The following FNDC3B variants were observed in gnomAD, a reference collection of about 807,000 sequenced individuals.
FNDC3B encodes fibronectin type III domain containing 3B, also known as fibronectin type III domain-containing protein 3B.
Under a neutral mutation model 151.5 loss-of-function variants are expected in FNDC3B, and 12 were observed. That is an observed-to-expected ratio of 0.08 (90% CI 0.05 to 0.13). FNDC3B has a LOEUF of 0.13. Ranked by LOEUF, FNDC3B falls within the 10% of genes least tolerant of loss-of-function variation. The pLI, the probability that FNDC3B is intolerant of heterozygous loss-of-function variation, is 1.00. For missense variants in FNDC3B, 1,214 were observed against 1,505.3 expected, an observed-to-expected ratio of 0.81 and a Z score of 3.20; for synonymous variants, 528 against 549.0, an observed-to-expected ratio of 0.96 and a Z score of 0.54.
chr3:172,216,707 C>T (rs879761616), intron 3 of FNDC3B, among the ~76,000 whole-genome samples: 14 of 152,100 alleles, frequency 9.2e-5, no homozygotes, highest in Non-Finnish European at 1.9e-4. Flanking sequence ...ATAAGGTAAT[C>T]CTGAATGTTG....
At chr3:172,190,790 T>C (rs1280729022) in intron 3 of FNDC3B, among the ~76,000 whole-genome samples, 1 of 152,218 alleles carries the variant, frequency 6.6e-6, no homozygotes, top group Non-Finnish European at 1.5e-5. Flanking sequence ...TGCCTCAGCC[T>C]CCCAAGTAGC....
chr3:172,259,767 C>G (rs2108787749), intron 6 of FNDC3B, among the ~76,000 whole-genome samples: 1 of 152,238 alleles, frequency 6.6e-6, no homozygotes, highest in African/African-American at 2.4e-5. Context: ...TGCCCTTTCC[C>G]CCTCGTATTT....
intron 1 of FNDC3B, among the ~76,000 whole-genome samples, chr3:172,103,329 G>A (rs1001161968): frequency 6.6e-5 from 10 of 151,562 alleles, no homozygotes; most frequent in African/African-American, 2.2e-4. Context: ...GGGGTATGTC[G>A]GGCTGCTATG....
rs1427881112 is a variant in FNDC3B, at chr3:172,128,915, TA to T, written c.112-4551del. On this transcript the variant is annotated intron_variant, in intron 2 of 25. Coordinates refer to ENST00000415807, the MANE Select transcript of FNDC3B (RefSeq NM_022763.4). ...TTGTCTGAGGGTTGGATTTAACGCT[TA>T]AAAATGCTGCAAGTGTACTATTTTG... 2.0e-5 allele frequency among the ~76,000 whole-genome samples: 3 copies of T among 152,188 alleles called. No homozygotes were observed. In the East Asian group the frequency reaches 5.8e-4, roughly 29 times the overall value.
intron 9 of FNDC3B, 144 bp from the exon 10 acceptor site, chr3:172,307,219 G>A: frequency 1.2e-6 from 1 of 816,370 alleles, no homozygotes; most frequent in Non-Finnish European, 2.0e-6. Context: ...GTCAGGACAA[G>A]ACCAACAGAT....
intron 4 of FNDC3B, among the ~76,000 whole-genome samples, chr3:172,235,172 A>C (rs1727085518): frequency 6.6e-6 from 1 of 152,156 alleles, no homozygotes; most frequent in Non-Finnish European, 1.5e-5. Context: ...CTAGCATCAG[A>C]TCTAGTAACT....
intron 4 of FNDC3B, among the ~76,000 whole-genome samples, chr3:172,245,767 C>A (rs1019121033): frequency 3.3e-5 from 5 of 152,150 alleles, no homozygotes; most frequent in African/African-American, 1.2e-4. Context: ...CTTGCCAAGG[C>A]CCAGAAGAGA....
chr3:172,276,982 T>C (rs1729463517), intron 6 of FNDC3B, among the ~76,000 whole-genome samples: 2 of 152,234 alleles, frequency 1.3e-5, no homozygotes, highest in Admixed American at 6.5e-5. Context: ...TGGATTTTAA[T>C]CTCAAATTTA....
chr3:172,049,768 C>T (rs1167809530), intron 1 of FNDC3B, among the ~76,000 whole-genome samples: 1 of 152,208 alleles, frequency 6.6e-6, no homozygotes, highest in Non-Finnish European at 1.5e-5. Flanking sequence ...CTCAGGTGAT[C>T]TGCTCGCCTC....
chr3:172,126,387 T>C (rs1720811127), intron 2 of FNDC3B, among the ~76,000 whole-genome samples: 1 of 152,192 alleles, frequency 6.6e-6, no homozygotes, highest in South Asian at 2.1e-4. Context: ...TCTGTTCATG[T>C]GTACAAGTCA....
At chr3:172,086,927 T>G (rs555967589) in intron 1 of FNDC3B, among the ~76,000 whole-genome samples, 1 of 152,348 alleles carries the variant, frequency 6.6e-6, no homozygotes, top group African/African-American at 2.4e-5. Flanking sequence ...GTCACATACC[T>G]TAGAAATTTT....
At chr3:172,285,070 A>G (rs1729941172) in intron 6 of FNDC3B, among the ~76,000 whole-genome samples, 1 of 151,796 alleles carries the variant, frequency 6.6e-6, no homozygotes, top group South Asian at 2.1e-4. Flanking sequence ...TCTAAAACCT[A>G]ATTATTGCCC....
intron 2 of FNDC3B, among the ~76,000 whole-genome samples, chr3:172,115,661 G>C: frequency 6.6e-6 from 1 of 152,120 alleles, no homozygotes; most frequent in Non-Finnish European, 1.5e-5. Context: ...GACTCTAGGG[G>C]TGGACATTGC....
intron 6 of FNDC3B, among the ~76,000 whole-genome samples, chr3:172,274,746 A>G (rs892477707): frequency 2.0e-5 from 3 of 152,124 alleles, no homozygotes; most frequent in Non-Finnish European, 4.4e-5. Context: ...GGAAGGATCT[A>G]TTCTAGGCCT....
intron 25 of FNDC3B, among the ~76,000 whole-genome samples, chr3:172,382,248 T>G (rs1366720654): frequency 6.6e-6 from 1 of 152,268 alleles, no homozygotes; most frequent in Non-Finnish European, 1.5e-5. Context: ...TTTCATATGT[T>G]TGTTGGCCAC....
At chr3:172,156,694 G>GTTT (rs66890930) in intron 3 of FNDC3B, among the ~76,000 whole-genome samples, 4 of 141,852 alleles carry the variant, frequency 2.8e-5, no homozygotes, top group African/African-American at 7.8e-5. Flanking sequence ...GAGTTTTGAA[G>GTTT]TTTTTTTTTT....
chr3:172,395,900 T>C (rs1352258360), intron 25 of FNDC3B, among the ~76,000 whole-genome samples: 7 of 152,074 alleles, frequency 4.6e-5, no homozygotes, highest in Non-Finnish European at 1.0e-4. Context: ...ATAGCTAAAA[T>C]AGAAAAGACT....
At chr3:172,362,880 G>A in intron 23 of FNDC3B, 35 bp downstream of exon 23, 1 of 1,523,642 alleles carries the variant, frequency 6.6e-7, no homozygotes, top group South Asian at 1.1e-5. Flanking sequence ...TGAAGCTTCT[G>A]TAGCTTTGGC....
chr3:172,040,216 G>T lies in FNDC3B; in HGVS notation c.-29+445G>T, dbSNP rs894879161. On this transcript the variant is annotated intron_variant, in intron 1 of 25. Transcript: ENST00000415807. The surrounding 1 kb of genome is among the most constrained non-coding windows in gnomAD (Gnocchi z 6.6). ...GAGGGGGAGGGCGGGCGGCGAGGCC[G>T]AGGAATCTTCGACGTGTCACTTTCT... is the stretch of plus-strand genomic sequence containing the variant. Among the ~76,000 whole-genome samples, 1 of 151,958 alleles carries T rather than the reference G, an allele frequency of 6.6e-6. No homozygotes were observed. Among genetic ancestry groups the T allele is most frequent in the Non-Finnish European group, 1.5e-5 (1 of 67,934 alleles).
Sources: allele counts gnomAD v4.1 joint callset (sites outside exome capture counted in the v4.1 genomes callset), GRCh38; gene constraint gnomAD v4.1.1; non-coding constraint Gnocchi (gnomAD v3.1); transcripts MANE v1.5; gene names NCBI Gene and HGNC (gene_info 2026-07-23, HGNC 2026-07-21).